The following RMDN1 variants were observed in gnomAD, a reference collection of about 807,000 sequenced individuals.
The protein encoded by RMDN1 is regulator of microtubule dynamics protein 1.
RMDN1 carries 48 observed loss-of-function variants against 48.9 expected under a neutral mutation model. The ratio of observed to expected loss-of-function variants is 0.98; its 90% CI spans 0.78 to 1.25. The LOEUF (loss-of-function observed/expected upper bound fraction) is 1.25, where lower values mean the gene tolerates loss of function less well. Ranked by LOEUF, RMDN1 falls within the 50% of genes most tolerant of loss-of-function variation. The probability of loss-of-function intolerance (pLI) is 0.00; values close to 1 mark genes in which losing one functional copy is unlikely to be tolerated. For missense variants in RMDN1, 418 were observed against 373.4 expected (o/e 1.12, Z -0.98); for synonymous variants, 148 against 132.6 (o/e 1.12, Z -0.80).
intron 2 of RMDN1, among the ~76,000 whole-genome samples, chr8:86,490,520 CAAAG>C (rs1042422300): frequency 6.6e-6 from 1 of 152,134 alleles, no homozygotes; most frequent in Admixed American, 6.5e-5. Flanking sequence ...CTGAAAAAAG[CAAAG>C]AAAGGGAATA....
chr8:86,512,247 A>G (rs1820080951), upstream of RMDN1, among the ~76,000 whole-genome samples: 1 of 152,214 alleles, frequency 6.6e-6, no homozygotes, highest in Admixed American at 6.5e-5. Context: ...AGGTATGGAT[A>G]CTATATATTC....
At chr8:86,495,249 G>A (rs1817150148) in intron 2 of RMDN1, among the ~76,000 whole-genome samples, 1 of 152,142 alleles carries the variant, frequency 6.6e-6, no homozygotes, top group South Asian at 2.1e-4. Flanking sequence ...CTCATTCCTG[G>A]CACCTAGAAG....
intron 8 of RMDN1, among the ~76,000 whole-genome samples, chr8:86,475,980 C>T (rs1347617045): frequency 2.0e-5 from 3 of 152,106 alleles, no homozygotes; most frequent in Non-Finnish European, 4.4e-5. Flanking sequence ...TACAGTCTTA[C>T]ACATGTAAAT....
chr8:86,512,249 T>C (rs1329660444), upstream of RMDN1, among the ~76,000 whole-genome samples: 1 of 152,244 alleles, frequency 6.6e-6, no homozygotes, highest in Admixed American at 6.5e-5. Context: ...GTATGGATAC[T>C]ATATATTCTG....
chr8:86,482,818 C>T, intron 5 of RMDN1: 1 of 1,034,558 alleles, frequency 9.7e-7, no homozygotes, highest in Non-Finnish European at 1.5e-6. Context: ...GGAGACGGAG[C>T]CATCCTTTGG....
At chr8:86,499,030 TA>T (rs1418876624) in intron 2 of RMDN1, among the ~76,000 whole-genome samples, 1 of 152,042 alleles carries the variant, frequency 6.6e-6, no homozygotes, top group Non-Finnish European at 1.5e-5. Flanking sequence ...CGCTTTACCT[TA>T]AAAAACATCA....
intron 2 of RMDN1, among the ~76,000 whole-genome samples, chr8:86,495,992 T>G (rs186719583): frequency 3.0e-4 from 46 of 152,270 alleles, no homozygotes; most frequent in Admixed American, 6.5e-5. Context: ...ACTAGGGGAC[T>G]ATATTCAACA....
chr8:86,497,932 T>C (rs1412573344), intron 2 of RMDN1, among the ~76,000 whole-genome samples: 1 of 151,456 alleles, frequency 6.6e-6, no homozygotes, highest in Non-Finnish European at 1.5e-5. Flanking sequence ...CCGTCTCTAC[T>C]GAAAATATAA....
downstream of RMDN1, chr8:86,470,432 A>ACTT (rs1812443843): frequency 1.3e-5 from 16 of 1,261,364 alleles, no homozygotes; most frequent in Non-Finnish European, 1.6e-5. Context: ...AATGGAAGAG[A>ACTT]CTTAGTGCAC....
At chr8:86,484,679 T>C (rs975679514) in intron 5 of RMDN1, 193 bp downstream of exon 5, 19 of 390,992 alleles carry the variant, frequency 4.9e-5, no homozygotes, top group Admixed American at 1.3e-4. Context: ...GATAGCACCA[T>C]TGCACTCTAG....
At chr8:86,480,848 G>T (rs907619192) in intron 5 of RMDN1, among the ~76,000 whole-genome samples, 1 of 151,948 alleles carries the variant, frequency 6.6e-6, no homozygotes, top group Non-Finnish European at 1.5e-5. Context: ...CTTGTATGCA[G>T]ATTTTGTTCA....
chr8:86,507,101 G>C lies in RMDN1; in HGVS notation c.141C>G (p.Asn47Lys). ...CRFRGFEVMG[N>K]PGTFKRGLLL... ...AAAGGCCTCTTTTGAAAGTTCCTGG[G>C]TTTCCCATTACCTATGGAAACAATT... The change falls in exon 2 of 10, where the codon AAC becomes AAG. Residue 47 changes from asparagine to lysine, a missense_variant. Asn to Lys is a moderately conservative substitution (Grantham distance 94). Coordinates refer to ENST00000406452, the MANE Select transcript of RMDN1 (RefSeq NM_016033.3). The C allele has an allele frequency of 6.2e-7, 1 of 1,600,788 alleles. No homozygotes were observed. The highest frequency in any genetic ancestry group is 1.3e-5 in the African/African-American group (1 of 74,750).
downstream of RMDN1, among the ~76,000 whole-genome samples, chr8:86,469,309 A>G (rs1454971717): frequency 6.6e-6 from 1 of 152,152 alleles, no homozygotes; most frequent in East Asian, 1.9e-4. Context: ...GTATGTGTCA[A>G]CTGTATTTAT....
chr8:86,496,044 A>G (rs562605558), intron 2 of RMDN1, among the ~76,000 whole-genome samples: 56 of 152,330 alleles, frequency 3.7e-4, no homozygotes, highest in Non-Finnish European at 6.9e-4. Flanking sequence ...TTTCATATCC[A>G]GCTAAACTAA....
chr8:86,488,453 A>G, intron 3 of RMDN1, 99 bp downstream of exon 3: 1 of 563,786 alleles, frequency 1.8e-6, no homozygotes, highest in Non-Finnish European at 3.1e-6. Context: ...AACTACAATA[A>G]TCAATTTTTA....
chr8:86,497,987 T>C (rs887866942), intron 2 of RMDN1, among the ~76,000 whole-genome samples: 2 of 151,932 alleles, frequency 1.3e-5, no homozygotes, highest in African/African-American at 2.4e-5. Context: ...TCCCAGCTAC[T>C]CGGGAGGCTG....
downstream of RMDN1, chr8:86,470,496 G>A (rs1007958048): frequency 3.6e-6 from 4 of 1,096,128 alleles, no homozygotes; most frequent in Admixed American, 1.4e-4. Flanking sequence ...CTAACCCTCA[G>A]AGAGTAAAGG....
chr8:86,477,006 G>T (rs998306856), intron 8 of RMDN1, among the ~76,000 whole-genome samples: 2 of 152,106 alleles, frequency 1.3e-5, no homozygotes, highest in African/African-American at 4.8e-5. Flanking sequence ...TGGCCAATAT[G>T]TGCAGTCTTG....
intron 2 of RMDN1, among the ~76,000 whole-genome samples, chr8:86,491,902 T>C (rs897792985): frequency 1.3e-5 from 2 of 152,194 alleles, no homozygotes; most frequent in African/African-American, 2.4e-5. Flanking sequence ...ATTCCTGAGA[T>C]TTCTCTATAT....
Sources: gnomAD v4.1 joint callset for allele counts (sites outside exome capture counted in the v4.1 genomes callset) on GRCh38, gnomAD v4.1.1 for gene constraint, MANE v1.5 for transcripts, NCBI Gene and HGNC (gene_info 2026-07-23, HGNC 2026-07-21) for gene names.